CHD7: variants seen among roughly 807,000 people sequenced by gnomAD.
CHD7 encodes chromodomain helicase DNA binding protein 7.
CHD7 carries 24 observed loss-of-function variants against 307.3 expected under a neutral mutation model. The observed-to-expected ratio is 0.08, with a 90% CI of 0.06 to 0.11. CHD7 has a LOEUF of 0.11. Ranked by LOEUF, CHD7 falls within the 10% of genes least tolerant of loss-of-function variation. The pLI is 1.00. For missense variants in CHD7, 3,106 were observed against 3,727.1 expected, an observed-to-expected ratio of 0.83 and a Z score of 4.34; for synonymous variants, 1,363 against 1,349.9, an observed-to-expected ratio of 1.01 and a Z score of -0.21.
chr8:60,691,207 T>G (rs977800136), intron 1 of CHD7, among the ~76,000 whole-genome samples: 21 of 152,178 alleles, frequency 1.4e-4, no homozygotes, highest in Admixed American at 1.4e-3. Flanking sequence ...CAGGTGTCTG[T>G]GCCCAGCTGA....
chr8:60,775,970 G>T (rs952220285), intron 2 of CHD7, among the ~76,000 whole-genome samples: 1 of 152,174 alleles, frequency 6.6e-6, no homozygotes, highest in Admixed American at 6.5e-5. Context: ...ATGTTGGCCA[G>T]GCTGGTCTCC....
intron 1 of CHD7, among the ~76,000 whole-genome samples, chr8:60,686,964 C>T (rs531405063): frequency 4.9e-4 from 75 of 152,228 alleles, no homozygotes; most frequent in African/African-American, 1.7e-3. Context: ...GTTTCGTTTT[C>T]GAGATGGGGT....
At chr8:60,812,319 C>G (rs1294607603) in intron 7 of CHD7, among the ~76,000 whole-genome samples, 1 of 152,100 alleles carries the variant, frequency 6.6e-6, no homozygotes, top group African/African-American at 2.4e-5. Context: ...TTGTGTAAGT[C>G]ATGGCTCTAA....
chr8:60,742,149 C>G lies in CHD7; in HGVS notation c.717C>G (p.Pro239=), dbSNP rs367559404. 2 of 1,613,962 alleles carry G rather than the reference C, an allele frequency of 1.2e-6. No homozygotes were observed. The highest frequency in any genetic ancestry group is 1.7e-6 in the Non-Finnish European group (2 of 1,179,876). The part of the protein sequence containing the change: ...TSGPGHLSHV[P]QQSPSMAPSL... ...GACCTGGCCACTTGTCCCACGTGCC[C>G]CAGCAGAGTCCCAGCATGGCACCTT... Residue 239 remains proline (P), a synonymous_variant, in exon 2 of 38, where the codon CCC becomes CCG. Coordinates refer to ENST00000423902, the MANE Select transcript of CHD7 (RefSeq NM_017780.4).
At chr8:60,735,561 A>T in intron 1 of CHD7, among the ~76,000 whole-genome samples, 1 of 152,230 alleles carries the variant, frequency 6.6e-6, no homozygotes, top group East Asian at 1.9e-4. Context: ...ATTTATGAAG[A>T]AATAAGAATA....
At chr8:60,707,024 G>A (rs976452724) in intron 1 of CHD7, among the ~76,000 whole-genome samples, 5 of 151,994 alleles carry the variant, frequency 3.3e-5, no homozygotes, top group Non-Finnish European at 7.3e-5. Flanking sequence ...CTGTGTCCAA[G>A]TGTTCCCATT....
intron 3 of CHD7, among the ~76,000 whole-genome samples, chr8:60,785,782 A>T (rs879723114): frequency 1.3e-5 from 2 of 152,286 alleles, no homozygotes; most frequent in East Asian, 1.9e-4. Context: ...TGTCAGGTAC[A>T]TGGGTAATAA....
chr8:60,841,494 G>T (rs1298933521), intron 19 of CHD7, 150 bp from the exon 20 acceptor site: 4 of 645,328 alleles, frequency 6.2e-6, no homozygotes, highest in Non-Finnish European at 1.1e-5. Flanking sequence ...CTGCCTGAGG[G>T]CCAGTCTGTC....
At chr8:60,822,396 G>T (rs1450706729) in intron 11 of CHD7, 107 bp from the exon 12 acceptor site, 2 of 1,080,970 alleles carry the variant, frequency 1.9e-6, no homozygotes. Context: ...AACATCTAAA[G>T]CCTTTGGGTA....
intron 2 of CHD7, among the ~76,000 whole-genome samples, chr8:60,753,770 G>T (rs137960621): frequency 1.3e-5 from 2 of 151,592 alleles, no homozygotes; most frequent in Non-Finnish European, 3.0e-5. Flanking sequence ...GGCTACAGTC[G>T]CCCACCACCG....
At position 60,733,601 on chromosome 8, in the gene CHD7, T is replaced by A. The variant is rs565475308; in HGVS notation, c.-174-7658T>A. 2.0e-5 allele frequency among the ~76,000 whole-genome samples: 3 copies of A among 152,350 alleles called. No individual in the cohort carries two copies. The East Asian group carries it at 5.8e-4, about 29-fold the overall frequency. ...GTGTAAAGGACACAAATTTTCATGA[T>A]CCTTGTGCTTTTGTGGCATAATTTA... On this transcript the variant is annotated intron_variant, in intron 1 of 37. Transcript: ENST00000423902.
intron 2 of CHD7, among the ~76,000 whole-genome samples, chr8:60,749,370 C>CAAAAA (rs55661758): frequency 0.015 from 834 of 56,226 alleles, 74 homozygotes; most frequent in African/African-American, 0.033. Flanking sequence ...GACTCTGTAT[C>CAAAAA]AAAAAAAAAA....
intron 1 of CHD7, among the ~76,000 whole-genome samples, chr8:60,714,736 T>C (rs1287235442): frequency 6.6e-6 from 1 of 152,164 alleles, no homozygotes; most frequent in Non-Finnish European, 1.5e-5. Flanking sequence ...TCGGGAGGCC[T>C]TCTCTGGATG....
intron 1 of CHD7, among the ~76,000 whole-genome samples, chr8:60,723,379 T>C (rs1402799829): frequency 1.3e-5 from 2 of 152,212 alleles, no homozygotes; most frequent in African/African-American, 4.8e-5. Flanking sequence ...TAGGTAAAAC[T>C]GGTGGTCTTT....
At chr8:60,683,378 A>T (rs1469269974) in intron 1 of CHD7, among the ~76,000 whole-genome samples, 3 of 152,220 alleles carry the variant, frequency 2.0e-5, no homozygotes, top group South Asian at 4.1e-4. Context: ...AGAGGTCCAT[A>T]GCTGATTATG....
chr8:60,848,263 G>A (rs935742721), intron 23 of CHD7, among the ~76,000 whole-genome samples: 6 of 152,200 alleles, frequency 3.9e-5, no homozygotes, highest in East Asian at 1.9e-4. Flanking sequence ...AATGAAGTGC[G>A]CCTGGGCTGG....
intron 2 of CHD7, among the ~76,000 whole-genome samples, chr8:60,752,858 G>C (rs1809704277): frequency 6.6e-6 from 1 of 152,162 alleles, no homozygotes; most frequent in Non-Finnish European, 1.5e-5. Context: ...ATAAACTGTG[G>C]GGAACTAACT....
chr8:60,760,506 A>G (rs1325992275), intron 2 of CHD7, among the ~76,000 whole-genome samples: 16 of 143,128 alleles, frequency 1.1e-4, no homozygotes, highest in Non-Finnish European at 1.2e-4. Flanking sequence ...ATCTAATTAA[A>G]CTAAAGAGCT....
At chr8:60,774,497 C>A (rs1810859087) in intron 2 of CHD7, among the ~76,000 whole-genome samples, 1 of 152,186 alleles carries the variant, frequency 6.6e-6, no homozygotes, top group Non-Finnish European at 1.5e-5. Context: ...TCCCATTGCC[C>A]TAGAAGGGCC....
Sources: allele counts gnomAD v4.1 joint callset (sites outside exome capture counted in the v4.1 genomes callset), GRCh38; gene constraint gnomAD v4.1.1; transcripts MANE v1.5; gene names NCBI Gene and HGNC (gene_info 2026-07-23, HGNC 2026-07-21).